HIBADH: variants seen among roughly 807,000 people sequenced by gnomAD.
HIBADH encodes the protein 3-hydroxyisobutyrate dehydrogenase, also known as 3-hydroxyisobutyrate dehydrogenase, mitochondrial.
A neutral mutation model predicts 36.1 loss-of-function variants in HIBADH; 25 were observed. That is an observed-to-expected ratio of 0.69 (90% CI 0.50 to 0.97). The LOEUF is 0.97. Ranked by LOEUF, HIBADH falls within the 50% of genes least tolerant of loss-of-function variation. The pLI is 0.00. For synonymous variants in HIBADH, 160 were observed against 149.5 expected, an observed-to-expected ratio of 1.07 and a Z score of -0.51; for missense variants, 421 against 418.0, an observed-to-expected ratio of 1.01 and a Z score of -0.06.
chr7:27,645,497 GCCT>G (rs1472684382), intron 2 of HIBADH, among the ~76,000 whole-genome samples: 1 of 147,666 alleles, frequency 6.8e-6, no homozygotes, highest in African/African-American at 2.5e-5. Context: ...TCCCACCTCA[GCCT>G]CCTGAGTAGC....
intron 4 of HIBADH, among the ~76,000 whole-genome samples, chr7:27,599,866 T>G (rs1785098256): frequency 6.6e-6 from 1 of 151,888 alleles, no homozygotes; most frequent in South Asian, 2.1e-4. Flanking sequence ...TAATTGTATA[T>G]ATTGTCTTAT....
At chr7:27,636,879 A>G (rs1785850107) in intron 2 of HIBADH, among the ~76,000 whole-genome samples, 1 of 152,240 alleles carries the variant, frequency 6.6e-6, no homozygotes, top group South Asian at 2.1e-4. Context: ...ATGCTGTCAA[A>G]TCACTTTACC....
chr7:27,639,946 G>A (rs940693079), intron 2 of HIBADH, among the ~76,000 whole-genome samples: 2 of 152,128 alleles, frequency 1.3e-5, no homozygotes. Context: ...GATACGTTCT[G>A]AGAAATGCGT....
At chr7:27,638,096 A>G (rs1785874087) in intron 2 of HIBADH, among the ~76,000 whole-genome samples, 2 of 152,036 alleles carry the variant, frequency 1.3e-5, no homozygotes, top group South Asian at 2.1e-4. Context: ...ATATGGAACC[A>G]AAAAAGGAGC....
intron 2 of HIBADH, among the ~76,000 whole-genome samples, chr7:27,638,393 G>T (rs912380091): frequency 6.7e-6 from 1 of 148,290 alleles, no homozygotes; most frequent in African/African-American, 2.5e-5. Context: ...CTAGCCATAT[G>T]CAAAAAACTG....
At chr7:27,655,963 T>G (rs1432792783) in intron 1 of HIBADH, among the ~76,000 whole-genome samples, 1 of 152,070 alleles carries the variant, frequency 6.6e-6, no homozygotes, top group Non-Finnish European at 1.5e-5. Flanking sequence ...CAAAAAAAAA[T>G]TTGAACTTTT....
At chr7:27,605,127 A>G (rs913549715) in intron 4 of HIBADH, among the ~76,000 whole-genome samples, 3 of 152,158 alleles carry the variant, frequency 2.0e-5, no homozygotes, top group African/African-American at 7.2e-5. Context: ...ACAGTTTATT[A>G]ACTTATATTT....
chr7:27,642,715 G>A (rs969640719), intron 2 of HIBADH, among the ~76,000 whole-genome samples: 1 of 148,642 alleles, frequency 6.7e-6, no homozygotes, highest in East Asian at 2.0e-4. Context: ...GCAGTGGCGG[G>A]ATCTCGGCTC....
At chr7:27,530,857 T>C (rs1217227848) in intron 7 of HIBADH, among the ~76,000 whole-genome samples, 1 of 152,150 alleles carries the variant, frequency 6.6e-6, no homozygotes, top group East Asian at 1.9e-4. Context: ...ACTGTTCTCA[T>C]TTAAGAAGTT....
At chr7:27,601,097 A>G (rs1285813536) in intron 4 of HIBADH, among the ~76,000 whole-genome samples, 2 of 152,156 alleles carry the variant, frequency 1.3e-5, no homozygotes, top group Non-Finnish European at 2.9e-5. Context: ...AATGAAACCT[A>G]TGTATAAAAC....
At chr7:27,544,499 T>C (rs1416750590) in intron 4 of HIBADH, among the ~76,000 whole-genome samples, 19 of 152,228 alleles carry the variant, frequency 1.2e-4, no homozygotes, top group Admixed American at 1.2e-3. Flanking sequence ...AGCCAATCTA[T>C]GTCATTCAAA....
At chr7:27,558,099 AT>A (rs1253377625) in intron 4 of HIBADH, among the ~76,000 whole-genome samples, 1 of 151,860 alleles carries the variant, frequency 6.6e-6, no homozygotes, top group Non-Finnish European at 1.5e-5. Flanking sequence ...TCTGTGTGCA[AT>A]CTCTTATCTT....
chr7:27,630,593 A>C lies in HIBADH; in HGVS notation c.363-1101T>G, dbSNP rs544773024. 1.6e-4 allele frequency among the ~76,000 whole-genome samples: 25 copies of C among 152,330 alleles called. No individual in the cohort carries two copies. In the South Asian group the frequency reaches 5.0e-3, roughly 30 times the overall value. On this transcript the variant is annotated intron_variant, in intron 3 of 7. Transcript: ENST00000265395. Reference sequence around the variant, plus strand: ...AAAGGAAAAATCTTTCTATTAAAAAAATAGCACACAAAATGGTTTAAACAT... The same window carrying C: ...AAAGGAAAAATCTTTCTATTAAAAACATAGCACACAAAATGGTTTAAACAT...
intron 2 of HIBADH, 44 bp from the exon 3 acceptor site, chr7:27,632,489 A>G: frequency 7.4e-7 from 1 of 1,353,202 alleles, no homozygotes; most frequent in Non-Finnish European, 1.1e-6. Flanking sequence ...ATTAAAATGT[A>G]AGCAGTTTCT....
intron 4 of HIBADH, among the ~76,000 whole-genome samples, chr7:27,556,016 G>A (rs1162744613): frequency 3.3e-5 from 5 of 151,988 alleles, no homozygotes; most frequent in East Asian, 3.9e-4. Flanking sequence ...AAAGATAGTC[G>A]TGAATTAGAG....
At position 27,661,776 on chromosome 7, in the gene HIBADH, G is replaced by A. The variant is rs568087509; in HGVS notation, c.91+922C>T. 1.3e-4 allele frequency among the ~76,000 whole-genome samples: 20 copies of A among 152,210 alleles called. No homozygotes were observed. In the East Asian group the frequency reaches 2.5e-3, roughly 19 times the overall value. On this transcript the variant is annotated intron_variant, in intron 1 of 7. Transcript: ENST00000265395. ...TTTCAGTTTGAGGAAGACAACGGCA[G>A]TGCCCCCACAAATCAACCAATTTTT...
chr7:27,570,237 A>T (rs1262305334), intron 4 of HIBADH, among the ~76,000 whole-genome samples: 1 of 152,214 alleles, frequency 6.6e-6, no homozygotes, highest in East Asian at 1.9e-4. Flanking sequence ...CACATTCAGT[A>T]GGAGAGAAAG....
In HIBADH at chr7:27,526,101, A is replaced by T; in HGVS notation, c.*113T>A. 1.2e-6 allele frequency: 1 copy of T among 866,578 alleles called. No homozygotes were observed. Among genetic ancestry groups the T allele is most frequent in the Middle Eastern group, 3.7e-4 (1 of 2,712 alleles). The allele number at this position is 866,578 out of a possible 1,614,324, so 53.7% of individuals were successfully genotyped here. The stretch of plus-strand genomic sequence containing the variant: ...CCTAGGGATTACTGTGACCTAGACA[A>T]TCAAAAGCAGATAGGTGACCTTTGA... On this transcript the variant is annotated 3_prime_UTR_variant, in exon 8 of 8. Transcript: ENST00000265395.
chr7:27,546,697 G>A (rs915875976), intron 4 of HIBADH, among the ~76,000 whole-genome samples: 5 of 152,170 alleles, frequency 3.3e-5, no homozygotes, highest in Non-Finnish European at 2.9e-5. Context: ...GGAAAGACAA[G>A]AAATCTGCAT....
Sources: gnomAD v4.1 joint callset for allele counts (sites outside exome capture counted in the v4.1 genomes callset) on GRCh38, gnomAD v4.1.1 for gene constraint, MANE v1.5 for transcripts, NCBI Gene and HGNC (gene_info 2026-07-23, HGNC 2026-07-21) for gene names.